The following PTPRN2 variants were observed in gnomAD, a reference collection of about 807,000 sequenced individuals.
PTPRN2 encodes the protein protein tyrosine phosphatase receptor type N2, also known as receptor-type tyrosine-protein phosphatase N2.
A neutral mutation model predicts 118.8 loss-of-function variants in PTPRN2; 74 were observed. The observed-to-expected ratio is 0.62, with a 90% CI of 0.52 to 0.76. The LOEUF is 0.76. Ranked by LOEUF, PTPRN2 falls within the 30% of genes least tolerant of loss-of-function variation. The pLI is 0.00. For missense variants in PTPRN2, 1,481 were observed against 1,394.4 expected (o/e 1.06, Z -0.99); for synonymous variants, 641 against 608.0 (o/e 1.05, Z -0.80).
chr7:158,578,284 T>C (rs1187331592), intron 1 of PTPRN2, among the ~76,000 whole-genome samples: 2 of 149,022 alleles, frequency 1.3e-5, no homozygotes, highest in Admixed American at 1.3e-4. Context: ...TAAGTCACCT[T>C]TTTTTTTTTT....
chr7:157,997,569 T>C (rs1019236620), intron 11 of PTPRN2, among the ~76,000 whole-genome samples: 7 of 152,070 alleles, frequency 4.6e-5, no homozygotes, highest in Admixed American at 3.3e-4. Context: ...GGGAGCCACA[T>C]TAGCCTGGCT....
rs578020439 is a variant in PTPRN2 at position 157,561,705 on chromosome 7, T to C, written c.2902+7197A>G. Among the ~76,000 whole-genome samples, 15 of 152,360 alleles carry C rather than the reference T, an allele frequency of 9.8e-5. No individual in the cohort carries two copies. The East Asian group carries it at 2.9e-3, about 29-fold the overall frequency. The stretch of plus-strand genomic sequence containing the variant: ...GTGAAAAGCTTTCTGTGGGTCCTCC[T>C]GAGCCCCAGGACAGCCCGTGAGTGA... On this transcript the variant is annotated intron_variant, in intron 21 of 22. Coordinates refer to ENST00000389418, the MANE Select transcript of PTPRN2 (RefSeq NM_002847.5).
At chr7:158,554,449 C>T (rs1031178320) in intron 1 of PTPRN2, among the ~76,000 whole-genome samples, 2 of 152,116 alleles carry the variant, frequency 1.3e-5, no homozygotes, top group African/African-American at 4.8e-5. Context: ...GAATTTTGAT[C>T]AGTATCTGTC....
At position 157,944,554 on chromosome 7, in the gene PTPRN2, T is replaced by A. The variant is rs1182505643; in HGVS notation, c.1724-45817A>T. ...TCCGCACTGCTGCAAATATAATAAT[T>A]GTTTGAAAGCATAACATTTAAATCA... On this transcript the variant is annotated intron_variant, in intron 11 of 22. Coordinates refer to ENST00000389418, the MANE Select transcript of PTPRN2 (RefSeq NM_002847.5). This position sits in a 1 kb window ranked among gnomAD's most constrained non-coding sequence, Gnocchi z 4.3. 6.6e-6 allele frequency among the ~76,000 whole-genome samples: 1 copy of A among 152,236 alleles called. No individual in the cohort carries two copies. Among genetic ancestry groups the A allele is most frequent in the Non-Finnish European group, 1.5e-5 (1 of 68,038 alleles).
chr7:158,144,931 G>A lies in PTPRN2; in HGVS notation c.911-6416C>T, dbSNP rs1664990329. 1.3e-5 allele frequency among the ~76,000 whole-genome samples: 2 copies of A among 152,136 alleles called. 1 individual carries two copies. The highest frequency in any genetic ancestry group is 4.1e-4 in the South Asian group (2 of 4,826). On this transcript the variant is annotated intron_variant, in intron 6 of 22. Coordinates refer to ENST00000389418, the MANE Select transcript of PTPRN2 (RefSeq NM_002847.5). ...AACTGAACAGCAAGCCACGTCTCCAGAATGCCACGGCTCGGCAAGACTTCC... is the reference window on the plus strand; with the variant it reads ...AACTGAACAGCAAGCCACGTCTCCAAAATGCCACGGCTCGGCAAGACTTCC...
intron 3 of PTPRN2, among the ~76,000 whole-genome samples, chr7:158,294,491 G>A (rs890993157): frequency 3.3e-5 from 5 of 152,150 alleles, no homozygotes; most frequent in Non-Finnish European, 5.9e-5. Flanking sequence ...AATCACAGAC[G>A]TTCCATTTCT....
chr7:157,985,470 T>C (rs1036096012), intron 11 of PTPRN2, among the ~76,000 whole-genome samples: 6 of 152,192 alleles, frequency 3.9e-5, no homozygotes, highest in South Asian at 2.1e-4. Flanking sequence ...TTACCAGAAT[T>C]TGTTCTAGTT....
At chr7:158,175,986 G>A (rs1405565927) in intron 5 of PTPRN2, among the ~76,000 whole-genome samples, 4 of 151,410 alleles carry the variant, frequency 2.6e-5, no homozygotes, top group African/African-American at 7.3e-5. Flanking sequence ...TGAGACTCAC[G>A]ACATCGTGAG....
At chr7:157,665,276 C>T (rs1177761671) in intron 13 of PTPRN2, among the ~76,000 whole-genome samples, 1 of 152,266 alleles carries the variant, frequency 6.6e-6, no homozygotes, top group African/African-American at 2.4e-5. Context: ...CACCTTCAGC[C>T]ACAGCGGCCC....
At position 157,787,788 on chromosome 7, in the gene PTPRN2, G is replaced by A. The variant is rs57096611; in HGVS notation, c.1789-104851C>T. Among the ~76,000 whole-genome samples the A allele has an allele frequency of 5.2e-3, 784 of 152,210 alleles. 12 individuals are homozygous for A. Among genetic ancestry groups the A allele is most frequent in the South Asian group, 0.045 (215 of 4,824 alleles). On this transcript the variant is annotated intron_variant, in intron 12 of 22. Transcript: ENST00000389418. The surrounding 1 kb of genome is among the most constrained non-coding windows in gnomAD (Gnocchi z 5.3). ...TCGGACTTCATTTGTGCTCATGGCT[G>A]GGGGAGGCACCTGGGGGCCCCGTCC... is the stretch of plus-strand genomic sequence containing the variant.
At chr7:157,824,206 C>T (rs961254298) in intron 12 of PTPRN2, among the ~76,000 whole-genome samples, 2 of 152,144 alleles carry the variant, frequency 1.3e-5, no homozygotes, top group Non-Finnish European at 2.9e-5. Context: ...CCTCCCAAGG[C>T]AGGGGCGAGC....
intron 12 of PTPRN2, among the ~76,000 whole-genome samples, chr7:157,800,642 C>CT (rs113262277): frequency 0.038 from 5,814 of 152,222 alleles, 370 homozygotes; most frequent in African/African-American, 0.13. Context: ...AGGTTCTTTG[C>CT]TTTTTTTAAC....
At chr7:158,405,198 A>G (rs1240282081) in intron 2 of PTPRN2, among the ~76,000 whole-genome samples, 2 of 152,158 alleles carry the variant, frequency 1.3e-5, no homozygotes, top group East Asian at 3.8e-4. Flanking sequence ...CCTGGAGTCC[A>G]CATCCTCCCG....
chr7:157,904,366 G>A (rs904873127), intron 11 of PTPRN2, among the ~76,000 whole-genome samples: 4 of 152,176 alleles, frequency 2.6e-5, no homozygotes, highest in East Asian at 1.9e-4. Flanking sequence ...ATATGCTCCC[G>A]GTGTCACTGC....
At chr7:157,752,453 A>T (rs1041188847) in intron 12 of PTPRN2, among the ~76,000 whole-genome samples, 1 of 152,112 alleles carries the variant, frequency 6.6e-6, no homozygotes, top group Non-Finnish European at 1.5e-5. Flanking sequence ...CCCAGGCCAG[A>T]GCTCCCCTGG....
chr7:158,270,901 GACCACCCCCCCC>G (rs1232018993), intron 3 of PTPRN2, among the ~76,000 whole-genome samples: 2 of 71,104 alleles, frequency 2.8e-5, no homozygotes, highest in East Asian at 6.3e-4. Context: ...CCTCCACCTG[GACCACCCCCCCC>G]ACCTGGACCA....
intron 12 of PTPRN2, among the ~76,000 whole-genome samples, chr7:157,852,697 C>T (rs746414171): frequency 2.0e-5 from 3 of 151,872 alleles, no homozygotes; most frequent in African/African-American, 7.3e-5. Flanking sequence ...GGTGAAACCC[C>T]GTCTCTACTA....
At chr7:158,457,957 T>G (rs994424947) in intron 2 of PTPRN2, among the ~76,000 whole-genome samples, 2 of 152,220 alleles carry the variant, frequency 1.3e-5, no homozygotes, top group African/African-American at 4.8e-5. Flanking sequence ...TTCATCCATT[T>G]GGAAGGGTTC....
intron 11 of PTPRN2, among the ~76,000 whole-genome samples, chr7:158,018,117 C>T (rs1378845605): frequency 6.6e-6 from 1 of 152,162 alleles, no homozygotes; most frequent in Non-Finnish European, 1.5e-5. Context: ...GTGTTGCGGA[C>T]TTCTAAATGG....
Sources: gnomAD v4.1 joint callset for allele counts (sites outside exome capture counted in the v4.1 genomes callset) on GRCh38, gnomAD v4.1.1 for gene constraint, Gnocchi (gnomAD v3.1) non-coding constraint, MANE v1.5 for transcripts, NCBI Gene and HGNC (gene_info 2026-07-23, HGNC 2026-07-21) for gene names.